The following DNAH11 variants were observed in gnomAD, a reference collection of about 807,000 sequenced individuals.
DNAH11 encodes the protein axonemal beta dynein heavy chain 11.
In DNAH11, 442 loss-of-function variants were observed where a neutral mutation model predicts 526.0. The observed-to-expected ratio is 0.84, with a 90% confidence interval of 0.78 to 0.91. The LOEUF (loss-of-function observed/expected upper bound fraction) is 0.91, where lower values mean the gene tolerates loss of function less well. DNAH11 is among the 40% of genes least tolerant of loss of function. The pLI is 0.00. For missense variants in DNAH11, 6,989 were observed against 5,448.7 expected (o/e 1.28, Z -8.90); for synonymous variants, 2,461 against 1,935.9 (o/e 1.27, Z -7.12).
At chr7:21,777,324 C>T (rs1235091240) in intron 56 of DNAH11, among the ~76,000 whole-genome samples, 1 of 151,998 alleles carries the variant, frequency 6.6e-6, no homozygotes, top group Non-Finnish European at 1.5e-5. Context: ...AACCATTCAA[C>T]CACTGAAGGG....
intron 73 of DNAH11, 67 bp from the exon 74 acceptor site, chr7:21,873,207 A>T (rs917798313): frequency 1.5e-6 from 2 of 1,308,674 alleles, no homozygotes; most frequent in African/African-American, 3.0e-5. Flanking sequence ...ATATAGGAAA[A>T]TGTAATCTTA....
At chr7:21,883,581 T>G (rs1035387018) in intron 75 of DNAH11, among the ~76,000 whole-genome samples, 2 of 152,250 alleles carry the variant, frequency 1.3e-5, no homozygotes, top group African/African-American at 4.8e-5. Context: ...GATGTTGCTT[T>G]CTTTTCCTGA....
At chr7:21,639,236 G>C (rs564265568) in intron 28 of DNAH11, among the ~76,000 whole-genome samples, 171 bp downstream of exon 28, 1 of 152,172 alleles carries the variant, frequency 6.6e-6, no homozygotes, top group Non-Finnish European at 1.5e-5. Context: ...GTGCAAAAGG[G>C]AGTAGGAAGA....
intron 42 of DNAH11, among the ~76,000 whole-genome samples, chr7:21,713,492 C>A (rs1337058259): frequency 6.6e-6 from 1 of 152,106 alleles, no homozygotes; most frequent in Admixed American, 6.6e-5. Context: ...AGGTTCTTTC[C>A]TTCCAGGTTC....
intron 35 of DNAH11, among the ~76,000 whole-genome samples, chr7:21,695,649 A>C (rs2128476380): frequency 6.6e-6 from 1 of 152,344 alleles, no homozygotes; most frequent in Non-Finnish European, 1.5e-5. Flanking sequence ...CTAGAAGAAA[A>C]CCTAGGCAAT....
rs772790420 is a variant in DNAH11 at position 21,894,697 on chromosome 7, T to A, written c.12825T>A (p.Asn4275Lys). 6.2e-7 allele frequency: 1 copy of A among 1,613,902 alleles called. No individual in the cohort carries two copies. Among genetic ancestry groups the A allele is most frequent in the African/African-American group, 1.3e-5 (1 of 75,040 alleles). Residue 4275 changes from asparagine (N) to lysine (K), a missense_variant, in exon 78 of 82, where the codon AAT (asparagine) becomes AAA (lysine). Coordinates refer to ENST00000409508, the MANE Select transcript of DNAH11 (RefSeq NM_001277115.2). The part of the protein sequence containing the change: ...EFNMAEIMQK[N>K]SNRSPYVLVC... ...ACATGGCAGAGATAATGCAAAAAAA[T>A]TCAAATAGAAGCCCATATGTTCTTG...
chr7:21,668,445 C>A (rs1782508618), intron 30 of DNAH11, among the ~76,000 whole-genome samples: 2 of 152,120 alleles, frequency 1.3e-5, no homozygotes, highest in Admixed American at 1.3e-4. Context: ...CATGTGCTAG[C>A]CCTCTTTGAA....
intron 9 of DNAH11, among the ~76,000 whole-genome samples, chr7:21,584,050 C>A (rs1209448422): frequency 2.6e-5 from 4 of 152,192 alleles, no homozygotes; most frequent in African/African-American, 7.2e-5. Flanking sequence ...ACCAGAAATA[C>A]CATTTGACCT....
intron 46 of DNAH11, among the ~76,000 whole-genome samples, chr7:21,736,189 T>C (rs1785602045): frequency 6.6e-6 from 1 of 152,216 alleles, no homozygotes; most frequent in Non-Finnish European, 1.5e-5. Flanking sequence ...CTGGTTACTT[T>C]TTCAAGTAAA....
intron 2 of DNAH11, among the ~76,000 whole-genome samples, chr7:21,549,981 C>A (rs1248491050): frequency 2.0e-5 from 3 of 152,160 alleles, no homozygotes; most frequent in Non-Finnish European, 2.9e-5. Flanking sequence ...GAGTCCCCTG[C>A]CCGTTTCCAT....
At chr7:21,790,829 A>G (rs1013279905) in intron 61 of DNAH11, among the ~76,000 whole-genome samples, 4 of 152,246 alleles carry the variant, frequency 2.6e-5, no homozygotes, top group African/African-American at 9.6e-5. Context: ...ATGAAAGATG[A>G]ACTTGCAAAG....
intron 7 of DNAH11, among the ~76,000 whole-genome samples, chr7:21,571,407 G>A (rs1159810160): frequency 6.6e-6 from 1 of 152,036 alleles, no homozygotes; most frequent in East Asian, 1.9e-4. Flanking sequence ...AGCTTCTCAA[G>A]TAGCTGGGAC....
chr7:21,890,640 A>C (rs531397219), intron 76 of DNAH11, among the ~76,000 whole-genome samples: 1 of 152,292 alleles, frequency 6.6e-6, no homozygotes, highest in African/African-American at 2.4e-5. Flanking sequence ...TATTTTGCCC[A>C]TATTTTTATT....
chr7:21,872,248 A>G (rs940766053), intron 73 of DNAH11, among the ~76,000 whole-genome samples: 1 of 151,696 alleles, frequency 6.6e-6, no homozygotes, highest in Non-Finnish European at 1.5e-5. Context: ...ACTTCACCAT[A>G]TGAATTTGGG....
intron 2 of DNAH11, among the ~76,000 whole-genome samples, chr7:21,551,173 A>G (rs1783008078): frequency 6.6e-6 from 1 of 151,668 alleles, no homozygotes; most frequent in South Asian, 2.1e-4. Flanking sequence ...CTTCAGTTTG[A>G]CCCCTATCCT....
At chr7:21,550,678 T>G (rs1362071901) in intron 2 of DNAH11, among the ~76,000 whole-genome samples, 3 of 152,212 alleles carry the variant, frequency 2.0e-5, no homozygotes, top group Non-Finnish European at 4.4e-5. Context: ...AAACCTTCCA[T>G]AATTCCCCTT....
At chr7:21,798,623 T>C (rs1017174423) in intron 61 of DNAH11, among the ~76,000 whole-genome samples, 1 of 152,240 alleles carries the variant, frequency 6.6e-6, no homozygotes. Context: ...AGCAAATCAC[T>C]CAACTGATCT....
At chr7:21,566,841 T>C (rs887092245) in intron 6 of DNAH11, among the ~76,000 whole-genome samples, 1 of 152,218 alleles carries the variant, frequency 6.6e-6, no homozygotes, top group Non-Finnish European at 1.5e-5. Context: ...AGCATTTTTA[T>C]TTTTCTGTCC....
chr7:21,544,919 C>A, intron 1 of DNAH11, 87 bp from the exon 2 acceptor site: 1 of 1,172,880 alleles, frequency 8.5e-7, no homozygotes. Flanking sequence ...GTTTCTTCTG[C>A]TAGCAATACA....
Sources: gnomAD v4.1 joint callset for allele counts (sites outside exome capture counted in the v4.1 genomes callset) on GRCh38, gnomAD v4.1.1 for gene constraint, MANE v1.5 for transcripts, NCBI Gene and HGNC (gene_info 2026-07-23, HGNC 2026-07-21) for gene names.